The following SLC45A4 variants were observed in gnomAD, a reference collection of about 807,000 sequenced individuals.
The protein encoded by SLC45A4 is polyamine-transporter SLC45A4.
SLC45A4 carries 32 observed loss-of-function variants against 63.7 expected under a neutral mutation model. The observed-to-expected ratio is 0.50, with a 90% CI of 0.38 to 0.67. The LOEUF (loss-of-function observed/expected upper bound fraction) is 0.67, where lower values mean the gene tolerates loss of function less well. Among genes scored for constraint, SLC45A4 ranks in the 30% least tolerant of loss-of-function variants. SLC45A4 has a pLI of 0.00. For missense variants in SLC45A4, 1,027 were observed against 1,157.7 expected (o/e 0.89, Z 1.64); for synonymous variants, 535 against 510.0 (o/e 1.05, Z -0.66).
chr8:141,211,461 C>A lies in SLC45A4; in HGVS notation c.*111G>T. 1.3e-6 allele frequency: 2 copies of A among 1,592,342 alleles called. No individual in the cohort carries two copies. Among genetic ancestry groups the A allele is most frequent in the Non-Finnish European group, 1.7e-6 (2 of 1,169,130 alleles). On this transcript the variant is annotated 3_prime_UTR_variant, in exon 9 of 9. Coordinates refer to ENST00000517878, the MANE Select transcript of SLC45A4 (RefSeq NM_001286646.2). ...TGCAAATCACTGTCTTCTGCCCAGG[C>A]CCCCCGGACCAGCCTCCTCCCAGCT...
At chr8:141,291,996 G>C (rs1276662531) in intron 1 of SLC45A4, among the ~76,000 whole-genome samples, 2 of 152,356 alleles carry the variant, frequency 1.3e-5, no homozygotes, top group East Asian at 3.9e-4. Context: ...AGATTCTGGG[G>C]TCTGGCCACC....
At chr8:141,222,700 A>C (rs1826725446) in intron 2 of SLC45A4, among the ~76,000 whole-genome samples, 2 of 152,254 alleles carry the variant, frequency 1.3e-5, no homozygotes, top group Non-Finnish European at 2.9e-5. Flanking sequence ...CGTGAGCACG[A>C]GCCCACTCAC....
intron 1 of SLC45A4, among the ~76,000 whole-genome samples, chr8:141,290,509 T>C (rs778157172): frequency 7.9e-5 from 12 of 152,224 alleles, no homozygotes; most frequent in Non-Finnish European, 1.3e-4. Context: ...ACAAAGTAAA[T>C]ATGAGGTGTT....
intron 1 of SLC45A4, among the ~76,000 whole-genome samples, chr8:141,260,064 G>T (rs971995706): frequency 6.6e-6 from 1 of 152,176 alleles, no homozygotes; most frequent in Non-Finnish European, 1.5e-5. Flanking sequence ...CACCTGTTAC[G>T]CAAGTAGTCT....
chr8:141,272,321 G>C (rs1276933855), intron 1 of SLC45A4, among the ~76,000 whole-genome samples: 1 of 152,202 alleles, frequency 6.6e-6, no homozygotes, highest in Non-Finnish European at 1.5e-5. Context: ...GGTGGTGTGT[G>C]GTGTGTTCAC....
chr8:141,248,463 G>A (rs1390236211), intron 2 of SLC45A4, among the ~76,000 whole-genome samples: 2 of 152,046 alleles, frequency 1.3e-5, no homozygotes, highest in African/African-American at 2.4e-5. Flanking sequence ...AAGCTACTCA[G>A]GAGGCTGAGG....
Position 141,256,512 on chromosome 8 carries a change from G to A in SLC45A4, c.-400-1883C>T, listed in dbSNP as rs1348776280. ...CACACAGCCCTGATGGAGAAGGTGG[G>A]TCCCTGGCACGTGGGCCCCAGGAGG... On this transcript the variant is annotated intron_variant, in intron 1 of 8. Transcript: ENST00000517878. This position sits in a 1 kb window ranked among gnomAD's most constrained non-coding sequence, Gnocchi z 4.3. The A allele has an allele frequency of 6.6e-6, 3 of 456,192 alleles. No homozygotes were observed. Among genetic ancestry groups the A allele is most frequent in the Non-Finnish European group, 4.4e-6 (1 of 226,894 alleles). The allele number at this position is 456,192 out of a possible 1,614,324, so 28.3% of individuals were successfully genotyped here.
chr8:141,213,146 C>T lies in SLC45A4; in HGVS notation c.1942-590G>A, dbSNP rs1254561919. On this transcript the variant is annotated intron_variant, in intron 7 of 8. Transcript: ENST00000517878. ...TCCACTAAGAAGCTAAAAAACAAAG[C>T]AGCTCTAAATGTGTGTGCCATAATC... 7.9e-5 allele frequency among the ~76,000 whole-genome samples: 12 copies of T among 152,184 alleles called. No individual in the cohort carries two copies. In the East Asian group the frequency reaches 2.3e-3, roughly 29 times the overall value.
chr8:141,211,688 C>A lies in SLC45A4; in HGVS notation c.2311G>T (p.Gly771Cys), dbSNP rs754229444. The A allele has an allele frequency of 6.3e-7, 1 of 1,584,156 alleles. No homozygotes were observed. Among genetic ancestry groups the A allele is most frequent in the Non-Finnish European group, 8.6e-7 (1 of 1,165,286 alleles). Residue 771 changes from glycine (G) to cysteine (C), a missense_variant, in exon 9 of 9, where the codon GGT becomes TGT. Gly to Cys is a radical substitution (Grantham distance 159). Transcript: ENST00000517878. ...PVETESVTPAGIDVCQISSHW... is the reference protein window; with the variant it reads ...PVETESVTPACIDVCQISSHW... ...GACGAGATCTGACAGACGTCAATACCTGCAGGCGTCTACAGAGAGGAAATT... is the reference window on the plus strand; with the variant it reads ...GACGAGATCTGACAGACGTCAATACATGCAGGCGTCTACAGAGAGGAAATT...
At chr8:141,245,418 A>T (rs1406256782) in intron 2 of SLC45A4, among the ~76,000 whole-genome samples, 1 of 152,196 alleles carries the variant, frequency 6.6e-6, no homozygotes, top group Non-Finnish European at 1.5e-5. Flanking sequence ...CATAAAGGAA[A>T]GTGTTAATTC....
In SLC45A4 at chr8:141,215,333, T is replaced by C. The variant is rs1483021056; in HGVS notation, c.1941+426A>G. On this transcript the variant is annotated intron_variant, in intron 7 of 8. Transcript: ENST00000517878. This position sits in a 1 kb window ranked among gnomAD's most constrained non-coding sequence, Gnocchi z 4.3. ...TTTTAGATACACCAGGTTGAATAAATATGCTATGAAAATGGCCTTCACTGG... is the reference window on the plus strand; with the variant it reads ...TTTTAGATACACCAGGTTGAATAAACATGCTATGAAAATGGCCTTCACTGG... 1.3e-5 allele frequency among the ~76,000 whole-genome samples: 2 copies of C among 152,174 alleles called. No homozygotes were observed.
At position 141,216,155 on chromosome 8, in the gene SLC45A4, C is replaced by T. The variant is rs72681555; in HGVS notation, c.1730-185G>A. Among the ~76,000 whole-genome samples, 685 of 152,244 alleles carry T rather than the reference C, an allele frequency of 4.5e-3. 7 individuals are homozygous for T. Among genetic ancestry groups the T allele is most frequent in the Middle Eastern group, 0.02 (6 of 294 alleles). ...GGCACGTATTTGTAGCTCACGGGCC[C>T]GCTGGGATGCCCAGTGGCTCCAGCA... On this transcript the variant is annotated intron_variant, in intron 6 of 8. Coordinates refer to ENST00000517878, the MANE Select transcript of SLC45A4 (RefSeq NM_001286646.2).
chr8:141,243,818 C>T (rs868750381), intron 2 of SLC45A4, among the ~76,000 whole-genome samples: 10 of 152,108 alleles, frequency 6.6e-5, no homozygotes, highest in African/African-American at 2.2e-4. Context: ...TCCACTTCCA[C>T]ATAATGAATA....
In SLC45A4 at chr8:141,247,045, T is replaced by C. The variant is rs111821872; in HGVS notation, c.241+6944A>G. 3.3e-3 allele frequency among the ~76,000 whole-genome samples: 502 copies of C among 151,902 alleles called. 5 individuals carry two copies. Among genetic ancestry groups the C allele is most frequent in the African/African-American group, 0.012 (488 of 41,434 alleles). On this transcript the variant is annotated intron_variant, in intron 2 of 8. Transcript: ENST00000517878. ...AATATAAGAGCATAAATTAACAAAATAGAAAATAAACAACAGAGGAAAAAA... is the reference window on the plus strand; with the variant it reads ...AATATAAGAGCATAAATTAACAAAACAGAAAATAAACAACAGAGGAAAAAA...
chr8:141,270,395 T>G, intron 1 of SLC45A4, among the ~76,000 whole-genome samples: 2 of 137,442 alleles, frequency 1.5e-5, no homozygotes, highest in Non-Finnish European at 1.5e-5. Context: ...AAAAAAAGGC[T>G]CGGCGCGGTA....
At chr8:141,286,982 T>C (rs73366499) in intron 1 of SLC45A4, among the ~76,000 whole-genome samples, 5,008 of 152,120 alleles carry the variant, frequency 0.033, 110 homozygotes, top group Middle Eastern at 0.092. Flanking sequence ...GTTAGTATTT[T>C]TATCACCAAA....
chr8:141,232,245 A>C (rs1360210148), intron 2 of SLC45A4, among the ~76,000 whole-genome samples: 1 of 152,250 alleles, frequency 6.6e-6, no homozygotes, highest in African/African-American at 2.4e-5. Context: ...ATCACACGCC[A>C]GCCCCGCTGC....
intron 1 of SLC45A4, among the ~76,000 whole-genome samples, chr8:141,304,556 CAA>C (rs61384705): frequency 0.23 from 29,742 of 127,284 alleles, 3,704 homozygotes; most frequent in Admixed American, 0.31. Context: ...AAGACTGTCT[CAA>C]AAAAAAAAAA....
At position 141,229,009 on chromosome 8, in the gene SLC45A4, C is replaced by T. The variant is rs1827194741; in HGVS notation, c.242-7244G>A. On this transcript the variant is annotated intron_variant, in intron 2 of 8. Coordinates refer to ENST00000517878, the MANE Select transcript of SLC45A4 (RefSeq NM_001286646.2). This position sits in a 1 kb window ranked among gnomAD's most constrained non-coding sequence, Gnocchi z 5.0. Reference sequence around the variant, plus strand: ...CCGCTGCCTCCTCGGCTGCACATCCCCGCCGTACACTTGTCTCCCCATCGG... The same window carrying T: ...CCGCTGCCTCCTCGGCTGCACATCCTCGCCGTACACTTGTCTCCCCATCGG... Among the ~76,000 whole-genome samples, 1 of 152,138 alleles carries T rather than the reference C, an allele frequency of 6.6e-6. No homozygotes were observed. Among genetic ancestry groups the T allele is most frequent in the Non-Finnish European group, 1.5e-5 (1 of 68,016 alleles).
Sources: gnomAD v4.1 joint callset for allele counts (sites outside exome capture counted in the v4.1 genomes callset) on GRCh38, gnomAD v4.1.1 for gene constraint, Gnocchi (gnomAD v3.1) non-coding constraint, MANE v1.5 for transcripts, NCBI Gene and HGNC (gene_info 2026-07-23, HGNC 2026-07-21) for gene names.